Variants in PLB1 observed in about 807,000 individuals in gnomAD.
PLB1 encodes the protein phospholipase B1.
Under a neutral mutation model 227.4 loss-of-function variants are expected in PLB1, and 242 were observed. The observed-to-expected ratio is 1.06, with a 90% CI of 0.96 to 1.18. The LOEUF (loss-of-function observed/expected upper bound fraction) is 1.18. Ranked by LOEUF, PLB1 falls within the 50% of genes most tolerant of loss-of-function variation. The pLI is 0.00. For missense variants in PLB1, 1,858 were observed against 1,816.3 expected (o/e 1.02, Z -0.42); for synonymous variants, 757 against 682.2 (o/e 1.11, Z -1.71).
intron 23 of PLB1, among the ~76,000 whole-genome samples, chr2:28,581,506 T>A (rs796906314): frequency 0.011 from 1,180 of 105,504 alleles, 29 homozygotes; most frequent in Non-Finnish European, 0.014. Flanking sequence ...AATAAATAAA[T>A]AAATAAATAA....
intron 35 of PLB1, among the ~76,000 whole-genome samples, chr2:28,599,070 A>G (rs529875932): frequency 1.3e-5 from 2 of 152,384 alleles, no homozygotes; most frequent in East Asian, 3.9e-4. Flanking sequence ...CAACAGTGCT[A>G]GAGAGATCCA....
chr2:28,530,969 CCAGAAG>C (rs1670933230), intron 8 of PLB1, among the ~76,000 whole-genome samples: 1 of 152,152 alleles, frequency 6.6e-6, no homozygotes, highest in Admixed American at 6.5e-5. Context: ...ACTGAAGTTC[CCAGAAG>C]TCATGTGACC....
At chr2:28,600,422 G>T (rs1049807243) in intron 35 of PLB1, among the ~76,000 whole-genome samples, 2 of 152,218 alleles carry the variant, frequency 1.3e-5, no homozygotes, top group African/African-American at 4.8e-5. Context: ...CTGGCAGCCA[G>T]AGTGAAAAGA....
Position 28,640,953 on chromosome 2 carries a change from C to T in PLB1, c.4125C>T (p.Thr1375=). The T allele has an allele frequency of 6.2e-7, 1 of 1,613,910 alleles. No homozygotes were observed. The highest frequency in any genetic ancestry group is 8.5e-7 in the Non-Finnish European group (1 of 1,179,898). Residue 1375 remains threonine, a synonymous_variant, in exon 57 of 58, where the codon ACC becomes ACT. Coordinates refer to ENST00000327757, the MANE Select transcript of PLB1 (RefSeq NM_153021.5). ...NMLEPVGRKT[T]SNNFTHSRAK... Reference sequence around the variant, plus strand: ...TGGAACCAGTGGGCCGCAAGACTACCTCCAACAACTTCACCCACAGCCGAG... The same window carrying T: ...TGGAACCAGTGGGCCGCAAGACTACTTCCAACAACTTCACCCACAGCCGAG...
At chr2:28,629,028 G>A (rs1202475395) in intron 52 of PLB1, 66 bp from the exon 53 acceptor site, 2 of 1,366,770 alleles carry the variant, frequency 1.5e-6, no homozygotes, top group Non-Finnish European at 2.0e-6. Flanking sequence ...TTGGATTGTA[G>A]ATGACCCCCA....
intron 17 of PLB1, among the ~76,000 whole-genome samples, chr2:28,558,961 G>A (rs1425409011): frequency 1.3e-5 from 2 of 152,178 alleles, no homozygotes; most frequent in African/African-American, 4.8e-5. Flanking sequence ...CTGGGCTCAA[G>A]TGATCCTCCC....
chr2:28,608,260 C>T (rs772218995), intron 43 of PLB1, among the ~76,000 whole-genome samples: 16 of 152,220 alleles, frequency 1.1e-4, no homozygotes, highest in Non-Finnish European at 2.1e-4. Context: ...GTGTTCTGAG[C>T]ATTCTGCATT....
chr2:28,504,053 G>T (rs2148158350), intron 1 of PLB1, among the ~76,000 whole-genome samples: 1 of 152,278 alleles, frequency 6.6e-6, no homozygotes, highest in Non-Finnish European at 1.5e-5. Flanking sequence ...TCCTGAATCT[G>T]TGGCTTGATT....
In PLB1 at chr2:28,604,040, C is replaced by A. The variant is rs146137923; in HGVS notation, c.2849C>A (p.Ala950Asp). 6.2e-7 allele frequency: 1 copy of A among 1,613,738 alleles called. No homozygotes were observed. Among genetic ancestry groups the A allele is most frequent in the Non-Finnish European group, 8.5e-7 (1 of 1,179,580 alleles). The stretch of plus-strand genomic sequence containing the variant: ...GCCAGGCTGGAGGCCTTCAGCCGAG[C>A]CTACCGGGTAAGACCAAGAAGGGCA... ...ELARLEAFSR[A>D]YRSSMRELVG... Residue 950 changes from alanine to aspartate, a missense_variant, in exon 40 of 58, where the codon GCC (alanine) becomes GAC (aspartate). By Grantham distance (126) the Ala-to-Asp change is moderately radical. Coordinates refer to ENST00000327757, the MANE Select transcript of PLB1 (RefSeq NM_153021.5).
rs1389828027 is a variant in PLB1, at chr2:28,592,702, C to G, written c.2230C>G (p.Leu744Val). 6.2e-7 allele frequency: 1 copy of G among 1,614,102 alleles called. No individual in the cohort carries two copies. The highest frequency in any genetic ancestry group is 1.1e-5 in the South Asian group (1 of 91,086). The change falls in exon 32 of 58, where the codon CTG becomes GTG. Residue 744 changes from leucine (L) to valine (V), a missense_variant. Physicochemically the swap from Leu to Val is conservative, Grantham distance 32 (BLOSUM62 1). Coordinates refer to ENST00000327757, the MANE Select transcript of PLB1 (RefSeq NM_153021.5). Reference sequence around the variant, plus strand: ...TGCAGACATCCAAGTTGTGGCTGCTCTGGGGGATTCTCTGACCGTAAGGAC... The same window carrying G: ...TGCAGACATCCAAGTTGTGGCTGCTGTGGGGGATTCTCTGACCGTAAGGAC... ...RPADIQVVAA[L>V]GDSLTAGNGI...
chr2:28,608,505 T>C (rs1330514817), intron 43 of PLB1, among the ~76,000 whole-genome samples: 2 of 152,232 alleles, frequency 1.3e-5, no homozygotes, highest in African/African-American at 4.8e-5. Context: ...GTCTAACTGC[T>C]CATACGTTCT....
intron 43 of PLB1, among the ~76,000 whole-genome samples, chr2:28,611,096 G>A (rs1685391642): frequency 6.6e-6 from 1 of 151,632 alleles, no homozygotes; most frequent in Admixed American, 6.6e-5. Context: ...ATAGGAGTTG[G>A]AAAAAAAAGA....
At chr2:28,577,761 A>G (rs945207866) in intron 21 of PLB1, among the ~76,000 whole-genome samples, 1 of 152,192 alleles carries the variant, frequency 6.6e-6, no homozygotes, top group African/African-American at 2.4e-5. Context: ...GAATTGCTTG[A>G]ACCCAGGAGG....
At chr2:28,573,498 G>A (rs1678374287) in intron 21 of PLB1, among the ~76,000 whole-genome samples, 193 bp downstream of exon 21, 1 of 152,208 alleles carries the variant, frequency 6.6e-6, no homozygotes, top group South Asian at 2.1e-4. Flanking sequence ...CCCACCCCCA[G>A]AAACTAGTCA....
intron 35 of PLB1, among the ~76,000 whole-genome samples, chr2:28,599,976 C>T (rs1335104761): frequency 2.0e-5 from 3 of 152,144 alleles, no homozygotes; most frequent in African/African-American, 4.8e-5. Flanking sequence ...GGCATGATCT[C>T]AGTTCACTGC....
chr2:28,518,629 C>T (rs934095795), intron 3 of PLB1, 97 bp downstream of exon 3: 4 of 815,386 alleles, frequency 4.9e-6, no homozygotes, highest in Non-Finnish European at 8.3e-6. Flanking sequence ...ACCTGTTGCC[C>T]CTTCAAGTCC....
At chr2:28,569,783 G>A (rs762171630) in intron 20 of PLB1, among the ~76,000 whole-genome samples, 4 of 151,782 alleles carry the variant, frequency 2.6e-5, no homozygotes, top group South Asian at 4.2e-4. Flanking sequence ...TAGCTAACAC[G>A]GTGAAACCCC....
rs527433402 is a variant in PLB1, at chr2:28,536,355, C to T, written c.556-1964C>T. Among the ~76,000 whole-genome samples the T allele has an allele frequency of 6.6e-5, 10 of 152,266 alleles. No individual in the cohort carries two copies. In the South Asian group the frequency reaches 2.1e-3, roughly 32 times the overall value. ...GATGCTTTTTGGATCTGGACACTTG[C>T]TTACTGCTCTCTAGTTAAATTTGGC... On this transcript the variant is annotated intron_variant, in intron 9 of 57. Transcript: ENST00000327757.
chr2:28,579,613 TC>T lies in PLB1; in HGVS notation c.1486-13del, dbSNP rs1353183042. On this transcript the variant is annotated splice_polypyrimidine_tract_variant and intron_variant, in intron 22 of 57. Coordinates refer to ENST00000327757, the MANE Select transcript of PLB1 (RefSeq NM_153021.5). ...GGGACAAGGTGCTTACTTCTGTGTT[TC>T]TATTCATTTCAGAGGATACACTTTC... The T allele has an allele frequency of 6.2e-7, 1 of 1,602,404 alleles. No homozygotes were observed. The highest frequency in any genetic ancestry group is 1.1e-5 in the South Asian group (1 of 90,788).
Sources: gnomAD v4.1 joint callset for allele counts (sites outside exome capture counted in the v4.1 genomes callset) on GRCh38, gnomAD v4.1.1 for gene constraint, MANE v1.5 for transcripts, NCBI Gene and HGNC (gene_info 2026-07-23, HGNC 2026-07-21) for gene names.